Variants in KCNC2 observed in about 807,000 individuals in gnomAD.
The protein encoded by KCNC2 is potassium voltage-gated channel subfamily C member 2.
KCNC2 carries 21 observed loss-of-function variants against 44.5 expected under a neutral mutation model. That is an observed-to-expected ratio of 0.47 (90% confidence interval 0.33 to 0.68). The LOEUF is 0.68. Among genes scored for constraint, KCNC2 ranks in the 30% least tolerant of loss-of-function variants. The pLI is 0.01. For missense variants in KCNC2, 589 were observed against 826.2 expected (o/e 0.71, Z 3.52); for synonymous variants, 391 against 339.1 (o/e 1.15, Z -1.68).
chr12:75,112,011 ATACTC>A (rs1238344616), intron 2 of KCNC2, among the ~76,000 whole-genome samples: 2 of 151,460 alleles, frequency 1.3e-5, no homozygotes, highest in Non-Finnish European at 3.0e-5. Flanking sequence ...AAAATAACAA[ATACTC>A]TATGCAGTTT....
chr12:75,062,862 C>T (rs957955511), intron 2 of KCNC2, among the ~76,000 whole-genome samples: 1 of 151,958 alleles, frequency 6.6e-6, no homozygotes, highest in Non-Finnish European at 1.5e-5. Flanking sequence ...CAAAGTGCCT[C>T]GTTTTCACAT....
In KCNC2 at chr12:75,041,810, T is replaced by C. The variant is rs1036043653; in HGVS notation, c.*1295A>G. 4.0e-6 allele frequency: 4 copies of C among 989,034 alleles called. No individual in the cohort carries two copies. Among genetic ancestry groups the C allele is most frequent in the Non-Finnish European group, 1.2e-6 (1 of 832,302 alleles). 61.3% of individuals were successfully genotyped at this position (989,034 alleles called of 1,614,324 possible). On this transcript the variant is annotated 3_prime_UTR_variant, in exon 5 of 5. Coordinates refer to ENST00000549446, the MANE Select transcript of KCNC2 (RefSeq NM_139137.4). Reference sequence around the variant, plus strand: ...AACTTAGGTAGTCTACAGAGCATCATTAATTTATACACAAAGCAGAGAGGC... The same window carrying C: ...AACTTAGGTAGTCTACAGAGCATCACTAATTTATACACAAAGCAGAGAGGC...
rs535310408 is a variant in KCNC2 at position 75,048,618 on chromosome 12, A to T, written c.1616-301T>A. Among the ~76,000 whole-genome samples the T allele has an allele frequency of 1.3e-4, 20 of 152,250 alleles. 1 individual carries two copies. In the South Asian group the frequency reaches 4.1e-3, roughly 31 times the overall value. ...TTCAAAATAAATGTGAAAATGAAGA[A>T]GCATGTGGATTATTGTCTTACAATT... On this transcript the variant is annotated intron_variant, in intron 3 of 4. Transcript: ENST00000549446.
intron 2 of KCNC2, among the ~76,000 whole-genome samples, chr12:75,149,930 C>T (rs1391187882): frequency 6.6e-6 from 1 of 151,778 alleles, no homozygotes; most frequent in Non-Finnish European, 1.5e-5. Flanking sequence ...AGAGTCAGTG[C>T]TTTTAACATA....
chr12:75,100,210 T>C (rs928508155), intron 2 of KCNC2, among the ~76,000 whole-genome samples: 1 of 151,918 alleles, frequency 6.6e-6, no homozygotes, highest in Non-Finnish European at 1.5e-5. Flanking sequence ...GAAAATGGGG[T>C]TCTTCTTATT....
chr12:75,077,639 T>G (rs916980276), intron 2 of KCNC2, among the ~76,000 whole-genome samples: 3 of 152,188 alleles, frequency 2.0e-5, no homozygotes, highest in African/African-American at 7.2e-5. Context: ...TATAGATCTG[T>G]CCATTATCTT....
chr12:75,142,559 TGAG>T (rs1235294409), intron 2 of KCNC2, among the ~76,000 whole-genome samples: 1 of 152,168 alleles, frequency 6.6e-6, no homozygotes, highest in Non-Finnish European at 1.5e-5. Context: ...ATCTGTAGTT[TGAG>T]GAGGAACAGA....
intron 2 of KCNC2, among the ~76,000 whole-genome samples, chr12:75,071,574 A>C (rs1883404679): frequency 6.6e-6 from 1 of 152,200 alleles, no homozygotes; most frequent in Admixed American, 6.5e-5. Context: ...CCACCCAATA[A>C]AATTTTTCTG....
intron 2 of KCNC2, among the ~76,000 whole-genome samples, chr12:75,132,247 A>T (rs932776211): frequency 1.3e-5 from 2 of 152,196 alleles, no homozygotes; most frequent in African/African-American, 2.4e-5. Flanking sequence ...ATATAAAAAA[A>T]TTAGCTATTT....
intron 3 of KCNC2, among the ~76,000 whole-genome samples, chr12:75,048,519 TG>T (rs905881163): frequency 7.2e-5 from 11 of 152,062 alleles, no homozygotes; most frequent in African/African-American, 2.4e-4. Flanking sequence ...AGAATAGAAA[TG>T]TTTTTTGGGA....
At chr12:75,104,083 T>G (rs1325748761) in intron 2 of KCNC2, among the ~76,000 whole-genome samples, 6 of 148,204 alleles carry the variant, frequency 4.0e-5, no homozygotes, top group African/African-American at 1.5e-4. Context: ...TCAGGAGACA[T>G]GATGAGGTGA....
At chr12:75,072,929 G>A (rs548656435) in intron 2 of KCNC2, among the ~76,000 whole-genome samples, 94 of 152,264 alleles carry the variant, frequency 6.2e-4, no homozygotes, top group Middle Eastern at 3.4e-3. Context: ...AGTTTTCACT[G>A]AAGTGGGCAA....
intron 2 of KCNC2, among the ~76,000 whole-genome samples, chr12:75,162,548 T>A (rs1351631390): frequency 6.6e-6 from 1 of 151,764 alleles, no homozygotes; most frequent in Non-Finnish European, 1.5e-5. Flanking sequence ...AGAGGCTGTG[T>A]CTTGGTATTT....
chr12:75,138,979 T>TAAAAAAAAAAAA lies in KCNC2; in HGVS notation c.687+68306_687+68317dup, dbSNP rs373729570. The stretch of plus-strand genomic sequence containing the variant: ...CTGGGCCACAGAGCGAGACTCCGTG[T>TAAAAAAAAAAAA]AAAAAAAAAAAAAAAAAAAAAAAAA... On this transcript the variant is annotated intron_variant, in intron 2 of 4. Coordinates refer to ENST00000549446, the MANE Select transcript of KCNC2 (RefSeq NM_139137.4). Among the ~76,000 whole-genome samples, 160 of 77,902 alleles carry TAAAAAAAAAAAA rather than the reference T, an allele frequency of 2.1e-3. 4 individuals carry two copies. The highest frequency in any genetic ancestry group is 8.3e-3 in the Middle Eastern group (1 of 120). The allele number at this position is 77,902 out of a possible 152,430, so 51.1% of individuals were successfully genotyped here. A position where few individuals can be genotyped will look rare whatever the true frequency, so the allele number is the denominator to read the frequency against.
chr12:75,066,660 T>C (rs1882860979), intron 2 of KCNC2, among the ~76,000 whole-genome samples: 1 of 152,180 alleles, frequency 6.6e-6, no homozygotes, highest in South Asian at 2.1e-4. Flanking sequence ...TAAATACTAA[T>C]TTCAAGAGAT....
intron 2 of KCNC2, among the ~76,000 whole-genome samples, chr12:75,171,741 A>T (rs1252293009): frequency 2.0e-5 from 3 of 151,822 alleles, no homozygotes; most frequent in Non-Finnish European, 4.4e-5. Context: ...CTGCATATTT[A>T]AAAATAGCTA....
At chr12:75,153,200 T>TGTGTTCCTAAGGTACATGTA (rs1319053416) in intron 2 of KCNC2, among the ~76,000 whole-genome samples, 1 of 152,052 alleles carries the variant, frequency 6.6e-6, no homozygotes, top group Non-Finnish European at 1.5e-5. Context: ...GAAGACATGG[T>TGTGTTCCTAAGGTACATGTA]GTGTTCCTAA....
At chr12:75,137,205 T>C (rs1889294629) in intron 2 of KCNC2, among the ~76,000 whole-genome samples, 2 of 152,288 alleles carry the variant, frequency 1.3e-5, no homozygotes, top group East Asian at 1.9e-4. Flanking sequence ...TATGCATCAG[T>C]AGATGTTTTT....
intron 2 of KCNC2, among the ~76,000 whole-genome samples, chr12:75,150,792 T>G (rs1377181358): frequency 6.6e-6 from 1 of 151,922 alleles, no homozygotes; most frequent in East Asian, 1.9e-4. Context: ...CTCTTCTGAA[T>G]ATCATCAATA....
Sources: allele counts gnomAD v4.1 joint callset (sites outside exome capture counted in the v4.1 genomes callset), GRCh38; gene constraint gnomAD v4.1.1; transcripts MANE v1.5; gene names NCBI Gene and HGNC (gene_info 2026-07-23, HGNC 2026-07-21).